Variants in BAIAP2L1 observed in about 807,000 individuals in gnomAD.
BAIAP2L1 encodes the protein BAR/IMD domain containing adaptor protein 2 like 1, also known as BAR/IMD domain-containing adapter protein 2-like 1.
BAIAP2L1 carries 35 observed loss-of-function variants against 66.3 expected under a neutral mutation model. The observed-to-expected ratio is 0.53, with a 90% confidence interval of 0.40 to 0.70. The LOEUF (loss-of-function observed/expected upper bound fraction) is 0.70, where lower values mean the gene tolerates loss of function less well. Among genes scored for constraint, BAIAP2L1 ranks in the 30% least tolerant of loss-of-function variants. The probability of loss-of-function intolerance (pLI) is 0.00; values close to 1 mark genes in which losing one functional copy is unlikely to be tolerated. For synonymous variants in BAIAP2L1, 269 were observed against 248.7 expected (o/e 1.08, Z -0.77); for missense variants, 622 against 656.9 (o/e 0.95, Z 0.58).
At chr7:98,343,538 C>T (rs1421127850) in intron 3 of BAIAP2L1, among the ~76,000 whole-genome samples, 10 of 152,112 alleles carry the variant, frequency 6.6e-5, no homozygotes, top group Non-Finnish European at 1.2e-4. Flanking sequence ...TTTGGGTTGA[C>T]GGTTTGTTTG....
chr7:98,342,938 T>C (rs1291328405), intron 3 of BAIAP2L1, among the ~76,000 whole-genome samples: 1 of 151,900 alleles, frequency 6.6e-6, no homozygotes, highest in Non-Finnish European at 1.5e-5. Context: ...CTGTGCTGCC[T>C]TGAACTGAAC....
intron 12 of BAIAP2L1, among the ~76,000 whole-genome samples, chr7:98,297,037 C>T (rs1800221465): frequency 6.6e-6 from 1 of 152,258 alleles, no homozygotes; most frequent in Non-Finnish European, 1.5e-5. Flanking sequence ...GCGGGCACTG[C>T]CTGCTGCATG....
At chr7:98,367,059 T>A (rs1001787502) in intron 1 of BAIAP2L1, among the ~76,000 whole-genome samples, 9 of 47,662 alleles carry the variant, frequency 1.9e-4, no homozygotes, top group Admixed American at 4.5e-4. Flanking sequence ...GGTAATTAAA[T>A]TTTTTTTTTT....
chr7:98,357,602 T>C (rs927104571), intron 2 of BAIAP2L1, among the ~76,000 whole-genome samples: 2 of 149,720 alleles, frequency 1.3e-5, no homozygotes, highest in Admixed American at 1.3e-4. Flanking sequence ...TATTTATATA[T>C]ATATAAAAGT....
intron 1 of BAIAP2L1, among the ~76,000 whole-genome samples, chr7:98,380,845 A>G (rs1049309845): frequency 1.4e-4 from 16 of 116,768 alleles, no homozygotes; most frequent in African/African-American, 5.0e-4. Flanking sequence ...CCCTTCTTCC[A>G]TTACAGGCTG....
chr7:98,314,299 G>A (rs1450695716), intron 7 of BAIAP2L1, among the ~76,000 whole-genome samples: 2 of 152,086 alleles, frequency 1.3e-5, no homozygotes, highest in Non-Finnish European at 2.9e-5. Flanking sequence ...ATTCCTTAAA[G>A]TTGTAAAAAG....
intron 2 of BAIAP2L1, among the ~76,000 whole-genome samples, chr7:98,362,125 GT>G: frequency 6.6e-6 from 1 of 152,196 alleles, no homozygotes; most frequent in Non-Finnish European, 1.5e-5. Flanking sequence ...AGAAAGCACG[GT>G]TTTATAGTTA....
chr7:98,357,013 A>AAC (rs1802140493), intron 2 of BAIAP2L1, among the ~76,000 whole-genome samples: 2 of 30,608 alleles, frequency 6.5e-5, no homozygotes, highest in South Asian at 1.7e-3. Context: ...AAAAAAAAAA[A>AAC]AAAAAAAATA....
intron 1 of BAIAP2L1, among the ~76,000 whole-genome samples, chr7:98,376,903 T>C (rs906872673): frequency 6.6e-6 from 1 of 152,116 alleles, no homozygotes; most frequent in African/African-American, 2.4e-5. Context: ...GAAGGTATTT[T>C]GTAGATATGG....
Position 98,320,075 on chromosome 7 carries a change from C to T in BAIAP2L1, c.331G>A (p.Asp111Asn). Reference sequence around the variant, plus strand: ...GCACTTACGTTCATATATTTCACGTCAAGTTCTATCTTCTTCTCCAGCTCA... The same window carrying T: ...GCACTTACGTTCATATATTTCACGTTAAGTTCTATCTTCTTCTCCAGCTCA... ...IHELEKKIEL[D>N]VKYMNATLKR... The change falls in exon 5 of 14, where the codon GAC becomes AAC. Residue 111 changes from aspartate (D) to asparagine (N), a missense_variant. Physicochemically the swap from Asp to Asn is conservative, Grantham distance 23 (BLOSUM62 1). Coordinates refer to ENST00000005260, the MANE Select transcript of BAIAP2L1 (RefSeq NM_018842.5). 2 of 1,613,522 alleles carry T rather than the reference C, an allele frequency of 1.2e-6. No individual in the cohort carries two copies. The highest frequency in any genetic ancestry group is 1.7e-6 in the Non-Finnish European group (2 of 1,179,690).
At chr7:98,364,986 CAAAAAAAAAAAAAAAAAAAAAAAAAAA>C (rs531177927) in intron 1 of BAIAP2L1, among the ~76,000 whole-genome samples, 1 of 30,780 alleles carries the variant, frequency 3.2e-5, no homozygotes, top group Non-Finnish European at 5.4e-5. Flanking sequence ...GGATATGTCT[CAAAAAAAAAAAAAAAAAAAAAAAAAAA>C]AAAAAAGAGC....
At chr7:98,384,635 T>A (rs1234808359) in intron 1 of BAIAP2L1, among the ~76,000 whole-genome samples, 1 of 151,752 alleles carries the variant, frequency 6.6e-6, no homozygotes, top group East Asian at 1.9e-4. Context: ...TATAGTAGTA[T>A]CTGGAATCAT....
chr7:98,364,397 T>C (rs1802343261), intron 1 of BAIAP2L1, among the ~76,000 whole-genome samples: 1 of 151,952 alleles, frequency 6.6e-6, no homozygotes, highest in African/African-American at 2.4e-5. Flanking sequence ...CTGTTCCGTT[T>C]TTCCCTTGAC....
chr7:98,359,526 C>A (rs1231167996), intron 2 of BAIAP2L1, among the ~76,000 whole-genome samples: 1 of 152,204 alleles, frequency 6.6e-6, no homozygotes, highest in Non-Finnish European at 1.5e-5. Flanking sequence ...CCGCTTCGGC[C>A]TCCCAGTGTG....
At chr7:98,319,912 G>A in intron 5 of BAIAP2L1, 146 bp downstream of exon 5, 1 of 721,154 alleles carries the variant, frequency 1.4e-6, no homozygotes, top group Non-Finnish European at 2.4e-6. Flanking sequence ...CCCAAAGAGA[G>A]CTTGTCGGTT....
At chr7:98,358,972 T>A (rs1395920033) in intron 2 of BAIAP2L1, among the ~76,000 whole-genome samples, 1 of 151,984 alleles carries the variant, frequency 6.6e-6, no homozygotes, top group African/African-American at 2.4e-5. Flanking sequence ...ACTTGAGAGG[T>A]GCTGGGCACT....
intron 3 of BAIAP2L1, among the ~76,000 whole-genome samples, chr7:98,323,653 G>A (rs550010877): frequency 3.9e-5 from 6 of 152,322 alleles, no homozygotes; most frequent in African/African-American, 7.2e-5. Context: ...GCTCCTGCCC[G>A]TGGCTTCCCG....
chr7:98,393,076 C>CGTGT (rs1562795825), intron 1 of BAIAP2L1, among the ~76,000 whole-genome samples: 4 of 127,788 alleles, frequency 3.1e-5, no homozygotes, highest in African/African-American at 1.3e-4. Flanking sequence ...TATATGTATA[C>CGTGT]ACACACATAT....
intron 7 of BAIAP2L1, among the ~76,000 whole-genome samples, chr7:98,314,628 A>G (rs1168967696): frequency 6.6e-6 from 1 of 152,208 alleles, no homozygotes; most frequent in Non-Finnish European, 1.5e-5. Context: ...TGAATAAACC[A>G]GGAACCAATA....
Sources: allele counts gnomAD v4.1 joint callset (sites outside exome capture counted in the v4.1 genomes callset), GRCh38; gene constraint gnomAD v4.1.1; transcripts MANE v1.5; gene names NCBI Gene and HGNC (gene_info 2026-07-23, HGNC 2026-07-21).